The following NDUFA13 variants were observed in gnomAD, a reference collection of about 807,000 sequenced individuals.
NDUFA13 encodes the protein NADH:ubiquinone oxidoreductase subunit A13.
NDUFA13 carries 16 observed loss-of-function variants against 17.0 expected under a neutral mutation model. That is an observed-to-expected ratio of 0.94 (90% confidence interval 0.64 to 1.43). The LOEUF is 1.43. NDUFA13 is among the 40% of genes most tolerant of loss of function. NDUFA13 has a pLI of 0.00. For synonymous variants in NDUFA13, 87 were observed against 78.4 expected (o/e 1.11, Z -0.58); for missense variants, 228 against 206.7 (o/e 1.10, Z -0.63).
chr19:19,526,630 C>T (rs2061100957), intron 2 of NDUFA13: 1 of 352,396 alleles, frequency 2.8e-6, no homozygotes, highest in Non-Finnish European at 5.6e-6. Context: ...AGTGGGGGGC[C>T]TGCCTCGGGC....
In NDUFA13 at chr19:19,516,270, C is replaced by G; in HGVS notation, c.32C>G (p.Pro11Arg). ...GCGTCAAAGGTGAAGCAGGACATGC[C>G]TCCGCCGGGGGGCTATGGGCCCATC... is the stretch of plus-strand genomic sequence containing the variant. The part of the protein sequence containing the change: MAASKVKQDM[P>R]PPGGYGPIDY... The change falls in exon 1 of 5, where the codon CCT becomes CGT. Residue 11 changes from proline (P) to arginine (R), a missense_variant. By Grantham distance (103) the Pro-to-Arg change is moderately radical. Coordinates refer to ENST00000507754, the MANE Select transcript of NDUFA13 (RefSeq NM_015965.7). 6.2e-7 allele frequency: 1 copy of G among 1,613,960 alleles called. No individual in the cohort carries two copies.
chr19:19,524,322 C>G (rs1227177126), intron 1 of NDUFA13, among the ~76,000 whole-genome samples: 1 of 152,252 alleles, frequency 6.6e-6, no homozygotes, highest in Non-Finnish European at 1.5e-5. Context: ...CATCTCTGTT[C>G]TATGCCAGTG....
chr19:19,522,342 A>G (rs1190238936), intron 1 of NDUFA13, among the ~76,000 whole-genome samples: 1 of 151,806 alleles, frequency 6.6e-6, no homozygotes. Context: ...ATGAAGTCCA[A>G]TTTCTGTATT....
chr19:19,527,388 G>A, intron 3 of NDUFA13, 36 bp downstream of exon 3: 1 of 1,611,042 alleles, frequency 6.2e-7, no homozygotes, highest in Non-Finnish European at 8.5e-7. Flanking sequence ...GAGGTCACTG[G>A]CCGGAAGGCC....
chr19:19,524,631 C>A (rs2061092409), intron 1 of NDUFA13, among the ~76,000 whole-genome samples: 1 of 152,098 alleles, frequency 6.6e-6, no homozygotes, highest in Non-Finnish European at 1.5e-5. Flanking sequence ...TATGGTGAAA[C>A]CCTGTCTCTA....
rs557078902 is a variant in NDUFA13, at chr19:19,519,135, C to T, written c.94+2803C>T. 5.3e-5 allele frequency among the ~76,000 whole-genome samples: 8 copies of T among 150,744 alleles called. No individual in the cohort carries two copies. The South Asian group carries it at 1.5e-3, about 28-fold the overall frequency. On this transcript the variant is annotated intron_variant, in intron 1 of 4. Transcript: ENST00000507754. ...CGAACTCCTGACCTCAGGTGGTCCCCCTGCCTCAGCCGCCCAAAGTGCTGG... is the reference window on the plus strand; with the variant it reads ...CGAACTCCTGACCTCAGGTGGTCCCTCTGCCTCAGCCGCCCAAAGTGCTGG...
intron 1 of NDUFA13, among the ~76,000 whole-genome samples, chr19:19,517,977 T>G (rs1299583073): frequency 1.1e-4 from 17 of 151,988 alleles, no homozygotes; most frequent in Admixed American, 1.0e-3. Context: ...GCCTGGGGGC[T>G]CTACAAAAAC....
At chr19:19,517,391 CTA>C (rs2061054830) in intron 1 of NDUFA13, among the ~76,000 whole-genome samples, 2 of 151,404 alleles carry the variant, frequency 1.3e-5, no homozygotes, top group South Asian at 4.2e-4. Context: ...TCTGTATTTT[CTA>C]TAGAGATGGG....
chr19:19,525,972 A>G (rs1203367002), intron 1 of NDUFA13: 3 of 1,413,936 alleles, frequency 2.1e-6, no homozygotes, highest in African/African-American at 2.9e-5. Flanking sequence ...CCTAGCAACC[A>G]CCATCTAGAC....
intron 1 of NDUFA13, among the ~76,000 whole-genome samples, chr19:19,519,971 CTTT>C (rs397963977): frequency 5.0e-5 from 6 of 120,270 alleles, no homozygotes; most frequent in South Asian, 5.7e-4. Flanking sequence ...TTTTTGTTCT[CTTT>C]TTTTTTTTTT....
In NDUFA13 at chr19:19,516,345, C is replaced by G. The variant is rs1344703647; in HGVS notation, c.94+13C>G. The G allele has an allele frequency of 1.2e-6, 2 of 1,613,018 alleles. No homozygotes were observed. The highest frequency in any genetic ancestry group is 1.7e-6 in the Non-Finnish European group (2 of 1,179,924). On this transcript the variant is annotated intron_variant, in intron 1 of 4. Transcript: ENST00000507754. Reference sequence around the variant, plus strand: ...CGAGGACTGTCGGGTCAGTATCACTCTGCGCCGGGGTCTCAGAGTCTGGGC... The same window carrying G: ...CGAGGACTGTCGGGTCAGTATCACTGTGCGCCGGGGTCTCAGAGTCTGGGC...
intron 1 of NDUFA13, among the ~76,000 whole-genome samples, chr19:19,517,343 C>T (rs1158366141): frequency 6.6e-6 from 1 of 151,876 alleles, no homozygotes; most frequent in African/African-American, 2.4e-5. Context: ...CCACCCCAGC[C>T]TCCTGAGAAG....
intron 2 of NDUFA13, 104 bp from the exon 3 acceptor site, chr19:19,527,177 T>TTCCC: frequency 3.8e-6 from 1 of 266,070 alleles, no homozygotes; most frequent in Admixed American, 5.7e-5. Context: ...CCCGCCCCCC[T>TTCCC]CCGCCTCTTC....
chr19:19,517,018 C>T (rs546032160), intron 1 of NDUFA13, among the ~76,000 whole-genome samples: 16 of 152,262 alleles, frequency 1.1e-4, no homozygotes, highest in African/African-American at 3.1e-4. Flanking sequence ...AACTCCCAAC[C>T]TCGGATGATC....
chr19:19,527,293 C>A lies in NDUFA13; in HGVS notation c.186C>A (p.Ile62=), dbSNP rs140748603. 2 of 1,613,812 alleles carry A rather than the reference C, an allele frequency of 1.2e-6. No homozygotes were observed. Among genetic ancestry groups the A allele is most frequent in the African/African-American group, 2.7e-5 (2 of 74,944 alleles). Residue 62 remains isoleucine, a synonymous_variant, in exon 3 of 5, where the codon ATC becomes ATA. Transcript: ENST00000507754. ...KWNRERRRLQ[I]EDFEARIALL... ...CGGGCTTTCACAGGCGCCTACAAATCGAGGACTTCGAGGCTCGCATCGCGC... is the reference window on the plus strand; with the variant it reads ...CGGGCTTTCACAGGCGCCTACAAATAGAGGACTTCGAGGCTCGCATCGCGC...
intron 1 of NDUFA13, among the ~76,000 whole-genome samples, chr19:19,521,744 A>G (rs9749531): frequency 1.3e-3 from 196 of 151,980 alleles, no homozygotes; most frequent in African/African-American, 4.4e-3. Context: ...CTGGGACTTC[A>G]GGCACCTGCC....
rs552355795 is a variant in NDUFA13 at position 19,517,398 on chromosome 19, G to A, written c.94+1066G>A. ...CCCAGCTTTCTGTATTTTCTATAGA[G>A]ATGGGATCTCGCCATCTTGCCCAGG... On this transcript the variant is annotated intron_variant, in intron 1 of 4. Coordinates refer to ENST00000507754, the MANE Select transcript of NDUFA13 (RefSeq NM_015965.7). 3.3e-5 allele frequency among the ~76,000 whole-genome samples: 5 copies of A among 151,920 alleles called. No individual in the cohort carries two copies. In the South Asian group the frequency reaches 8.3e-4, roughly 25 times the overall value.
At chr19:19,520,124 A>T (rs1463366628) in intron 1 of NDUFA13, among the ~76,000 whole-genome samples, 1 of 151,700 alleles carries the variant, frequency 6.6e-6, no homozygotes, top group Admixed American at 6.6e-5. Flanking sequence ...GATTACAGGC[A>T]TGAGCCACTG....
intron 2 of NDUFA13, 119 bp from the exon 3 acceptor site, chr19:19,527,162 G>GCC: frequency 1.2e-6 from 1 of 837,466 alleles, no homozygotes; most frequent in South Asian, 1.8e-5. Flanking sequence ...CCCCCTGCCT[G>GCC]CCTCCCCGCC....
Sources: allele counts gnomAD v4.1 joint callset (sites outside exome capture counted in the v4.1 genomes callset), GRCh38; gene constraint gnomAD v4.1.1; transcripts MANE v1.5; gene names NCBI Gene and HGNC (gene_info 2026-07-23, HGNC 2026-07-21).